The following GALT variants were observed in gnomAD, a reference collection of about 807,000 sequenced individuals.
GALT encodes the protein UDP-glucose--hexose-1-phosphate uridylyltransferase.
GALT carries 42 observed loss-of-function variants against 55.4 expected under a neutral mutation model. That is an observed-to-expected ratio of 0.76 (90% confidence interval 0.59 to 0.98). The LOEUF is 0.98. Ranked by LOEUF, GALT falls within the 50% of genes least tolerant of loss-of-function variation. The pLI is 0.00. For synonymous variants in GALT, 154 were observed against 181.5 expected (o/e 0.85, Z 1.22); for missense variants, 407 against 495.7 (o/e 0.82, Z 1.70).
At position 34,648,805 on chromosome 9, in the gene GALT, C is replaced by T; in HGVS notation, c.731C>T (p.Pro244Leu). ...LTSEHWLVLVPFWATWPYQTL... is the reference protein window; with the variant it reads ...LTSEHWLVLVLFWATWPYQTL... The stretch of plus-strand genomic sequence containing the variant: ...AGTGAGCACTGGTTAGTACTGGTCC[C>T]CTTCTGGGCAACATGGCCCTACCAG... Residue 244 changes from proline to leucine, a missense_variant, in exon 8 of 11, where the codon CCC (proline) becomes CTC (leucine). Physicochemically the swap from Pro to Leu is moderately conservative, Grantham distance 98. Coordinates refer to ENST00000378842, the MANE Select transcript of GALT (RefSeq NM_000155.4). The surrounding 1 kb of genome is among the most constrained non-coding windows in gnomAD (Gnocchi z 4.9). 1.2e-6 allele frequency: 2 copies of T among 1,613,458 alleles called. No individual in the cohort carries two copies. Among genetic ancestry groups the T allele is most frequent in the Non-Finnish European group, 1.7e-6 (2 of 1,179,990 alleles).
chr9:34,650,859 C>G lies in GALT; in HGVS notation c.*410C>G. 1 of 210,724 alleles carries G rather than the reference C, an allele frequency of 4.7e-6. No individual in the cohort carries two copies. The highest frequency in any genetic ancestry group is 6.6e-5 in the South Asian group (1 of 15,248). The allele number at this position is 210,724 out of a possible 1,614,324, so 13.1% of individuals were successfully genotyped here. On this transcript the variant is annotated 3_prime_UTR_variant, in exon 11 of 11. Transcript: ENST00000378842. Reference sequence around the variant, plus strand: ...GAGGCTTTGGGAAGGCCAGAGCCCCCTTTGCCACCACCCCTAGGGTGTCAG... The same window carrying G: ...GAGGCTTTGGGAAGGCCAGAGCCCCGTTTGCCACCACCCCTAGGGTGTCAG...
At position 34,650,828 on chromosome 9, in the gene GALT, G is replaced by A. The variant is rs1433983237; in HGVS notation, c.*379G>A. ...TGTTTTAAAATCTTGTGTCTTGGTT[G>A]TGGCTGAGGCTTTGGGAAGGCCAGA... is the stretch of plus-strand genomic sequence containing the variant. On this transcript the variant is annotated 3_prime_UTR_variant, in exon 11 of 11. Coordinates refer to ENST00000378842, the MANE Select transcript of GALT (RefSeq NM_000155.4). The A allele has an allele frequency of 4.3e-6, 1 of 231,136 alleles. No homozygotes were observed. The allele number at this position is 231,136 out of a possible 1,614,324, so 14.3% of individuals were successfully genotyped here.
At position 34,648,740 on chromosome 9, in the gene GALT, C is replaced by G. The variant is rs759537248; in HGVS notation, c.688-22C>G. 4 of 1,612,398 alleles carry G rather than the reference C, an allele frequency of 2.5e-6. No homozygotes were observed. The highest frequency in any genetic ancestry group is 3.4e-6 in the Non-Finnish European group (4 of 1,179,948). Reference sequence around the variant, plus strand: ...GGCTCCTATGTCACCTTGATGACTTCCTATCCATTCTGTCTTCCTAGGAAC... The same window carrying G: ...GGCTCCTATGTCACCTTGATGACTTGCTATCCATTCTGTCTTCCTAGGAAC... On this transcript the variant is annotated intron_variant, in intron 7 of 10. Transcript: ENST00000378842. The surrounding 1 kb of genome is among the most constrained non-coding windows in gnomAD (Gnocchi z 4.9).
Position 34,648,380 on chromosome 9 carries a change from G to T in GALT, c.611G>T (p.Arg204Leu), listed in dbSNP as rs111033740. The T allele has an allele frequency of 1.1e-5, 17 of 1,614,178 alleles. No homozygotes were observed. The South Asian group carries it at 1.9e-4, about 18-fold the overall frequency. The part of the protein sequence containing the change: ...FLPDIAQREE[R>L]SQQAYKSQHG... ...CCAGATATTGCCCAGCGTGAGGAGC[G>T]ATCTCAGCAGGCCTATAAGAGTCAG... is the stretch of plus-strand genomic sequence containing the variant. Residue 204 changes from arginine to leucine, a missense_variant, in exon 7 of 11, where the codon CGA becomes CTA. Physicochemically the swap from Arg to Leu is moderately radical, Grantham distance 102 (BLOSUM62 -2). Coordinates refer to ENST00000378842, the MANE Select transcript of GALT (RefSeq NM_000155.4). This position sits in a 1 kb window ranked among gnomAD's most constrained non-coding sequence, Gnocchi z 4.9.
chr9:34,647,734 T>A lies in GALT; in HGVS notation c.377+29T>A, dbSNP rs1388648394. ...ACTATGGATTTCCCCTCTTACAACT[T>A]TCAAACCAGAGTTGGAGACTCAGCA... On this transcript the variant is annotated intron_variant, in intron 4 of 10. Coordinates refer to ENST00000378842, the MANE Select transcript of GALT (RefSeq NM_000155.4). This position sits in a 1 kb window ranked among gnomAD's most constrained non-coding sequence, Gnocchi z 5.6. 6.2e-7 allele frequency: 1 copy of A among 1,614,132 alleles called. No homozygotes were observed. Among genetic ancestry groups the A allele is most frequent in the South Asian group, 1.1e-5 (1 of 91,078 alleles).
chr9:34,648,351 C>T lies in GALT; in HGVS notation c.582C>T (p.Phe194=), dbSNP rs368787765. The T allele has an allele frequency of 5.6e-6, 9 of 1,614,180 alleles. No individual in the cohort carries two copies. Among genetic ancestry groups the T allele is most frequent in the Non-Finnish European group, 7.6e-6 (9 of 1,180,038 alleles). Residue 194 remains phenylalanine (F), a synonymous_variant, in exon 7 of 11, where the codon TTC becomes TTT. Transcript: ENST00000378842. The surrounding 1 kb of genome is among the most constrained non-coding windows in gnomAD (Gnocchi z 4.9). ...CTTGACAGGTATGGGCCAGCAGTTTCCTGCCAGATATTGCCCAGCGTGAGG... is the reference window on the plus strand; with the variant it reads ...CTTGACAGGTATGGGCCAGCAGTTTTCTGCCAGATATTGCCCAGCGTGAGG... ...HPHCQVWASS[F]LPDIAQREER... is the part of the protein sequence containing the mutation.
chr9:34,649,599 C>T (rs1480447725), intron 10 of GALT, 35 bp downstream of exon 10: 2 of 1,610,482 alleles, frequency 1.2e-6, no homozygotes, highest in East Asian at 4.5e-5. Context: ...TCTCCAGACT[C>T]TCACATGCAG....
chr9:34,647,300 G>GAGT lies in GALT; in HGVS notation c.252+46_252+48dup. On this transcript the variant is annotated intron_variant, in intron 2 of 10. Transcript: ENST00000378842. The surrounding 1 kb of genome is among the most constrained non-coding windows in gnomAD (Gnocchi z 5.6). ...CTGCATCTGCAGGCTGGGCCACGGG[G>GAGT]AGTAGTTCCCTCTTAGAACTGTCCT... The GAGT allele has an allele frequency of 6.2e-7, 1 of 1,612,996 alleles. No homozygotes were observed. Among genetic ancestry groups the GAGT allele is most frequent in the Non-Finnish European group, 8.5e-7 (1 of 1,179,234 alleles).
At position 34,648,149 on chromosome 9, in the gene GALT, C is replaced by G; in HGVS notation, c.542C>G (p.Ser181Cys). Reference sequence around the variant, plus strand: ...AACAAAGGTGCCATGATGGGCTGTTCTAACCCCCACCCCCACTGCCAGGTA... The same window carrying G: ...AACAAAGGTGCCATGATGGGCTGTTGTAACCCCCACCCCCACTGCCAGGTA... ...FENKGAMMGC[S>C]NPHPHCQVWA... The change falls in exon 6 of 11, where the codon TCT becomes TGT. Residue 181 changes from serine (S) to cysteine (C), a missense_variant. Coordinates refer to ENST00000378842, the MANE Select transcript of GALT (RefSeq NM_000155.4). This position sits in a 1 kb window ranked among gnomAD's most constrained non-coding sequence, Gnocchi z 4.9. 6.2e-7 allele frequency: 1 copy of G among 1,614,204 alleles called. No homozygotes were observed. Among genetic ancestry groups the G allele is most frequent in the Non-Finnish European group, 8.5e-7 (1 of 1,180,044 alleles).
At chr9:34,649,220 C>A in intron 9 of GALT, 139 bp downstream of exon 9, 1 of 1,198,644 alleles carries the variant, frequency 8.3e-7, no homozygotes, top group Non-Finnish European at 1.2e-6. Flanking sequence ...GATGCTGGGA[C>A]TGAGGGTGGA....
chr9:34,647,482 T>C lies in GALT; in HGVS notation c.253-10T>C. 6.2e-7 allele frequency: 1 copy of C among 1,614,064 alleles called. No individual in the cohort carries two copies. Among genetic ancestry groups the C allele is most frequent in the Non-Finnish European group, 8.5e-7 (1 of 1,179,964 alleles). On this transcript the variant is annotated splice_polypyrimidine_tract_variant and intron_variant, in intron 2 of 10. Coordinates refer to ENST00000378842, the MANE Select transcript of GALT (RefSeq NM_000155.4). This position sits in a 1 kb window ranked among gnomAD's most constrained non-coding sequence, Gnocchi z 5.6. The stretch of plus-strand genomic sequence containing the variant: ...GGCAGTGAGTGCTTCTAGCCTATCC[T>C]TGTCGGTAGGTGAATCCCCAGTACG...
chr9:34,649,423 A>G lies in GALT; in HGVS notation c.918A>G (p.Gly306=). 1 of 1,614,084 alleles carries G rather than the reference A, an allele frequency of 6.2e-7. No individual in the cohort carries two copies. The highest frequency in any genetic ancestry group is 8.5e-7 in the Non-Finnish European group (1 of 1,180,014). ...YSMGWHGAPT[G]SEAGANWNHW... The stretch of plus-strand genomic sequence containing the variant: ...TCTTTCTGTCAGGGGCTCCCACAGG[A>G]TCAGAGGCTGGGGCCAACTGGAACC... The change falls in exon 10 of 11, where the codon GGA becomes GGG. Residue 306 remains glycine, a synonymous_variant. Coordinates refer to ENST00000378842, the MANE Select transcript of GALT (RefSeq NM_000155.4).
chr9:34,647,439 A>G lies in GALT; in HGVS notation c.253-53A>G, dbSNP rs1821132496. 5 of 1,599,814 alleles carry G rather than the reference A, an allele frequency of 3.1e-6. No individual in the cohort carries two copies. The highest frequency in any genetic ancestry group is 4.3e-6 in the Non-Finnish European group (5 of 1,167,072). On this transcript the variant is annotated intron_variant, in intron 2 of 10. Coordinates refer to ENST00000378842, the MANE Select transcript of GALT (RefSeq NM_000155.4). This position sits in a 1 kb window ranked among gnomAD's most constrained non-coding sequence, Gnocchi z 5.6. Reference sequence around the variant, plus strand: ...GCCTGTCCAGTCTTTGAAGCCCACCAGGTAACTGGTGGTATGGGGCAGTGA... The same window carrying G: ...GCCTGTCCAGTCTTTGAAGCCCACCGGGTAACTGGTGGTATGGGGCAGTGA...
chr9:34,648,866 A>G lies in GALT; in HGVS notation c.792A>G (p.Leu264=), dbSNP rs373746564. 2.5e-6 allele frequency: 4 copies of G among 1,613,054 alleles called. No individual in the cohort carries two copies. The African/African-American group carries it at 5.3e-5, about 22-fold the overall frequency. ...TGCCCCGTCGGCATGTGCGGCGGCT[A>G]CCTGAGCTGACCCCTGCTGAGCGTG... ...LLLPRRHVRR[L]PELTPAERDD... Residue 264 remains leucine, a synonymous_variant, in exon 8 of 11, where the codon CTA becomes CTG. Coordinates refer to ENST00000378842, the MANE Select transcript of GALT (RefSeq NM_000155.4). The surrounding 1 kb of genome is among the most constrained non-coding windows in gnomAD (Gnocchi z 4.9).
chr9:34,648,378 G>A lies in GALT; in HGVS notation c.609G>A (p.Glu203=), dbSNP rs770451714. The change falls in exon 7 of 11, where the codon GAG becomes GAA. Residue 203 remains glutamate (E), a synonymous_variant. Coordinates refer to ENST00000378842, the MANE Select transcript of GALT (RefSeq NM_000155.4). This position sits in a 1 kb window ranked among gnomAD's most constrained non-coding sequence, Gnocchi z 4.9. ...TGCCAGATATTGCCCAGCGTGAGGA[G>A]CGATCTCAGCAGGCCTATAAGAGTC... The part of the protein sequence containing the change: ...SFLPDIAQRE[E]RSQQAYKSQH... The A allele has an allele frequency of 7.4e-6, 12 of 1,614,224 alleles. No individual in the cohort carries two copies. The highest frequency in any genetic ancestry group is 1.0e-5 in the Non-Finnish European group (12 of 1,180,042).
rs765932955 is a variant in GALT at position 34,646,722 on chromosome 9, C to T, written c.18C>T (p.Thr6=). The part of the protein sequence containing the change: MSRSG[T]DPQQRQQASE... ...GTGGCCTCATGTCGCGCAGTGGAACCGATCCTCAGCAACGCCAGCAGGCGT... is the reference window on the plus strand; with the variant it reads ...GTGGCCTCATGTCGCGCAGTGGAACTGATCCTCAGCAACGCCAGCAGGCGT... Residue 6 remains threonine, a synonymous_variant, in exon 1 of 11, where the codon ACC becomes ACT. Coordinates refer to ENST00000378842, the MANE Select transcript of GALT (RefSeq NM_000155.4). The T allele has an allele frequency of 9.3e-6, 15 of 1,613,696 alleles. No homozygotes were observed. The highest frequency in any genetic ancestry group is 1.3e-5 in the Non-Finnish European group (15 of 1,179,998).
chr9:34,648,151 A>AACCCCC lies in GALT; in HGVS notation c.553_558dup (p.Pro185_His186dup). 1 of 1,614,156 alleles carries AACCCCC rather than the reference A, an allele frequency of 6.2e-7. No individual in the cohort carries two copies. Among genetic ancestry groups the AACCCCC allele is most frequent in the East Asian group, 2.2e-5 (1 of 44,882 alleles). On this transcript the variant is annotated inframe_insertion, in exon 6 of 11. Transcript: ENST00000378842. The surrounding 1 kb of genome is among the most constrained non-coding windows in gnomAD (Gnocchi z 4.9). The stretch of plus-strand genomic sequence containing the variant: ...CAAAGGTGCCATGATGGGCTGTTCT[A>AACCCCC]ACCCCCACCCCCACTGCCAGGTAAG...
At position 34,648,776 on chromosome 9, in the gene GALT, A is replaced by G. The variant is rs1767207852; in HGVS notation, c.702A>G (p.Leu234=). Residue 234 remains leucine (L), a synonymous_variant, in exon 8 of 11, where the codon CTA becomes CTG. Coordinates refer to ENST00000378842, the MANE Select transcript of GALT (RefSeq NM_000155.4). This position sits in a 1 kb window ranked among gnomAD's most constrained non-coding sequence, Gnocchi z 4.9. ...QELLRKERLV[L]TSEHWLVLVP... ...TGTCTTCCTAGGAACGTCTGGTCCT[A>G]ACCAGTGAGCACTGGTTAGTACTGG... 1.2e-6 allele frequency: 2 copies of G among 1,613,300 alleles called. No individual in the cohort carries two copies. The highest frequency in any genetic ancestry group is 1.3e-5 in the African/African-American group (1 of 74,902).
rs759969803 is a variant in GALT, at chr9:34,647,443, A to T, written c.253-49A>T. 1 of 1,602,232 alleles carries T rather than the reference A, an allele frequency of 6.2e-7. No individual in the cohort carries two copies. The highest frequency in any genetic ancestry group is 8.6e-7 in the Non-Finnish European group (1 of 1,169,386). On this transcript the variant is annotated intron_variant, in intron 2 of 10. Transcript: ENST00000378842. The surrounding 1 kb of genome is among the most constrained non-coding windows in gnomAD (Gnocchi z 5.6). ...GTCCAGTCTTTGAAGCCCACCAGGT[A>T]ACTGGTGGTATGGGGCAGTGAGTGC...
Sources: allele counts gnomAD v4.1 joint callset, GRCh38; gene constraint gnomAD v4.1.1; non-coding constraint Gnocchi (gnomAD v3.1); transcripts MANE v1.5; gene names NCBI Gene and HGNC (gene_info 2026-07-23, HGNC 2026-07-21).